Variants in UGT8 observed in about 807,000 individuals in gnomAD.
UGT8 encodes UDP glycosyltransferase 8, also known as 2-hydroxyacylsphingosine 1-beta-galactosyltransferase.
In UGT8, 12 loss-of-function variants were observed where a neutral mutation model predicts 40.5. The observed-to-expected ratio is 0.30, with a 90% CI of 0.19 to 0.48. UGT8 has a LOEUF of 0.48. UGT8 is among the 20% of genes least tolerant of loss of function. The probability of loss-of-function intolerance (pLI) is 0.99; values close to 1 mark genes in which losing one functional copy is unlikely to be tolerated. For missense variants in UGT8, 513 were observed against 648.7 expected, an observed-to-expected ratio of 0.79 and a Z score of 2.27; for synonymous variants, 224 against 240.4, an observed-to-expected ratio of 0.93 and a Z score of 0.63.
chr4:114,603,932 A>T (rs923374833), intron 1 of UGT8, among the ~76,000 whole-genome samples: 1 of 152,234 alleles, frequency 6.6e-6, no homozygotes, highest in Non-Finnish European at 1.5e-5. Flanking sequence ...GATTGAAAAT[A>T]TATTTTTAAG....
chr4:114,675,099 C>T (rs1161838785), intron 5 of UGT8, among the ~76,000 whole-genome samples: 1 of 152,100 alleles, frequency 6.6e-6, no homozygotes, highest in Non-Finnish European at 1.5e-5. Flanking sequence ...TGTTTCCCAA[C>T]TCTTTTTTAT....
At chr4:114,651,399 A>G (rs772661272) in intron 2 of UGT8, among the ~76,000 whole-genome samples, 38 of 152,188 alleles carry the variant, frequency 2.5e-4, no homozygotes, top group Non-Finnish European at 3.5e-4. Context: ...TTTTCTTTAT[A>G]CATGTTTCTC....
chr4:114,647,548 T>C (rs1007681013), intron 2 of UGT8, among the ~76,000 whole-genome samples: 4 of 152,072 alleles, frequency 2.6e-5, no homozygotes, highest in Non-Finnish European at 5.9e-5. Flanking sequence ...GTATTTTTAG[T>C]AGAGGCGGGG....
intron 1 of UGT8, among the ~76,000 whole-genome samples, chr4:114,603,697 G>A (rs1288666966): frequency 1.3e-5 from 2 of 152,094 alleles, no homozygotes; most frequent in African/African-American, 4.8e-5. Flanking sequence ...TCACAATTTA[G>A]TTTCATTTCC....
chr4:114,630,867 A>C lies in UGT8; in HGVS notation c.822+7165A>C, dbSNP rs74332859. Among the ~76,000 whole-genome samples, 813 of 152,250 alleles carry C rather than the reference A, an allele frequency of 5.3e-3. 14 individuals are homozygous for C. The highest frequency in any genetic ancestry group is 0.017 in the African/African-American group (711 of 41,544). On this transcript the variant is annotated intron_variant, in intron 2 of 5. Coordinates refer to ENST00000310836, the MANE Select transcript of UGT8 (RefSeq NM_001128174.3). ...ATTTTTCAGGCCTTTCAGTGGAGGA[A>C]CTGGGACTCCAGCCCCTCTTCTGCT...
intron 2 of UGT8, among the ~76,000 whole-genome samples, chr4:114,643,066 G>A (rs1202633008): frequency 3.3e-5 from 5 of 152,094 alleles, no homozygotes; most frequent in Non-Finnish European, 7.4e-5. Flanking sequence ...GTTTTAGTTT[G>A]TATAATTGTA....
chr4:114,627,118 C>CCT (rs1732275105), intron 2 of UGT8, among the ~76,000 whole-genome samples: 1 of 152,150 alleles, frequency 6.6e-6, no homozygotes, highest in Admixed American at 6.5e-5. Context: ...GGGAAGAATT[C>CCT]TGAGTTGGAT....
chr4:114,664,151 G>A lies in UGT8; in HGVS notation c.965+14G>A. The A allele has an allele frequency of 6.2e-7, 1 of 1,612,382 alleles. No homozygotes were observed. The highest frequency in any genetic ancestry group is 1.7e-4 in the Middle Eastern group (1 of 6,050). On this transcript the variant is annotated intron_variant, in intron 3 of 5. Coordinates refer to ENST00000310836, the MANE Select transcript of UGT8 (RefSeq NM_001128174.3). ...AGTGATTTGGAGGTAAGGTAATAAT[G>A]TAGATTGTTTCTTTGCTATTGACAA...
intron 2 of UGT8, among the ~76,000 whole-genome samples, chr4:114,662,375 A>C (rs1194254583): frequency 6.6e-6 from 1 of 152,232 alleles, no homozygotes; most frequent in African/African-American, 2.4e-5. Flanking sequence ...GGCATGTGAC[A>C]AGCCTTGGAA....
intron 5 of UGT8, among the ~76,000 whole-genome samples, chr4:114,675,491 A>G (rs1185126499): frequency 6.6e-6 from 1 of 152,154 alleles, no homozygotes; most frequent in Non-Finnish European, 1.5e-5. Flanking sequence ...CTGTAATCCC[A>G]GCACTTTGGG....
chr4:114,605,365 A>T (rs565735034), intron 1 of UGT8, among the ~76,000 whole-genome samples: 61 of 152,248 alleles, frequency 4.0e-4, no homozygotes, highest in African/African-American at 1.4e-3. Flanking sequence ...CACTATATTG[A>T]TTTTATTTTG....
intron 2 of UGT8, among the ~76,000 whole-genome samples, chr4:114,626,550 G>A (rs977614596): frequency 1.8e-4 from 27 of 152,320 alleles, no homozygotes; most frequent in African/African-American, 6.5e-4. Context: ...AAATCCTGTA[G>A]AGAGCATATA....
At chr4:114,666,298 G>A (rs1267289946) in intron 4 of UGT8, among the ~76,000 whole-genome samples, 1 of 151,942 alleles carries the variant, frequency 6.6e-6, no homozygotes, top group East Asian at 1.9e-4. Flanking sequence ...CATTTTTGAA[G>A]CATTTTATAT....
intron 2 of UGT8, among the ~76,000 whole-genome samples, chr4:114,642,553 T>TA (rs1365368968): frequency 6.6e-6 from 1 of 152,132 alleles, no homozygotes; most frequent in East Asian, 1.9e-4. Context: ...AATCCTCCTA[T>TA]ATTTTCACTT....
intron 1 of UGT8, among the ~76,000 whole-genome samples, chr4:114,603,237 A>G (rs928293923): frequency 1.8e-4 from 28 of 152,290 alleles, no homozygotes; most frequent in Admixed American, 1.0e-3. Context: ...GTGCTTATAG[A>G]AAATCGAACT....
chr4:114,656,811 G>C (rs1325952760), intron 2 of UGT8: 1 of 522,718 alleles, frequency 1.9e-6, no homozygotes, highest in African/African-American at 1.9e-5. Flanking sequence ...CTGAGGCCAG[G>C]TTTCAATACT....
intron 5 of UGT8, among the ~76,000 whole-genome samples, chr4:114,674,924 C>G (rs990011912): frequency 6.6e-6 from 1 of 152,194 alleles, no homozygotes; most frequent in African/African-American, 2.4e-5. Context: ...AATGTGCAGT[C>G]ACATGTTTTT....
At chr4:114,655,072 T>G (rs1455000086) in intron 2 of UGT8, among the ~76,000 whole-genome samples, 2 of 152,012 alleles carry the variant, frequency 1.3e-5, no homozygotes, top group Admixed American at 6.6e-5. Flanking sequence ...TTTTGTTTTT[T>G]TTTTTGTAAA....
chr4:114,621,931 T>C (rs1270191275), intron 1 of UGT8, among the ~76,000 whole-genome samples: 2 of 152,086 alleles, frequency 1.3e-5, no homozygotes, highest in African/African-American at 2.4e-5. Flanking sequence ...TGTATGTTAG[T>C]GTATAATACT....
Sources: allele counts gnomAD v4.1 joint callset (sites outside exome capture counted in the v4.1 genomes callset), GRCh38; gene constraint gnomAD v4.1.1; transcripts MANE v1.5; gene names NCBI Gene and HGNC (gene_info 2026-07-23, HGNC 2026-07-21).